Variants in ANKS1B observed in about 807,000 individuals in gnomAD.
ANKS1B encodes ankyrin repeat and sterile alpha motif domain-containing protein 1B.
Under a neutral mutation model 148.3 loss-of-function variants are expected in ANKS1B, and 36 were observed. The ratio of observed to expected loss-of-function variants is 0.24; its 90% CI spans 0.19 to 0.32. The LOEUF (loss-of-function observed/expected upper bound fraction) is 0.32. Ranked by LOEUF, ANKS1B falls within the 10% of genes least tolerant of loss-of-function variation. The pLI, the probability that ANKS1B is intolerant of heterozygous loss-of-function variation, is 1.00. For missense variants in ANKS1B, 1,157 were observed against 1,542.6 expected (o/e 0.75, Z 4.19); for synonymous variants, 542 against 560.8 (o/e 0.97, Z 0.47).
intron 17 of ANKS1B, among the ~76,000 whole-genome samples, chr12:98,901,940 T>G (rs1466141347): frequency 6.6e-6 from 1 of 152,180 alleles, no homozygotes; most frequent in Admixed American, 6.5e-5. Flanking sequence ...CCAATTTTAT[T>G]ATTCTTATTG....
At chr12:99,385,742 A>C (rs1426876419) in intron 12 of ANKS1B, among the ~76,000 whole-genome samples, 1 of 152,224 alleles carries the variant, frequency 6.6e-6, no homozygotes, top group Non-Finnish European at 1.5e-5. Context: ...AATGGCCAAG[A>C]ACATATCAAT....
chr12:99,256,043 T>C (rs565491527), intron 12 of ANKS1B, among the ~76,000 whole-genome samples: 1 of 152,142 alleles, frequency 6.6e-6, no homozygotes, highest in African/African-American at 2.4e-5. Flanking sequence ...CTATGAAATA[T>C]ATGTATATTA....
intron 14 of ANKS1B, among the ~76,000 whole-genome samples, chr12:99,192,352 T>C (rs2080847859): frequency 6.6e-6 from 1 of 152,164 alleles, no homozygotes; most frequent in Non-Finnish European, 1.5e-5. Context: ...AATAAATCAA[T>C]GAGACATATG....
intron 12 of ANKS1B, among the ~76,000 whole-genome samples, chr12:99,319,691 T>C (rs960703550): frequency 3.3e-5 from 5 of 152,246 alleles, no homozygotes; most frequent in Non-Finnish European, 5.9e-5. Context: ...AAGTTAATAT[T>C]GTTATGTGTG....
At position 98,994,444 on chromosome 12, in the gene ANKS1B, C is replaced by T. The variant is rs139351959; in HGVS notation, c.2778+58713G>A. ...CAGCCTGGCCCAACATGGTGAAACC[C>T]CGTCTCTACTAAAAATACAAAAATT... is the stretch of plus-strand genomic sequence containing the variant. On this transcript the variant is annotated intron_variant, in intron 17 of 26. Transcript: ENST00000683438. Among the ~76,000 whole-genome samples, 1,146 of 152,196 alleles carry T rather than the reference C, an allele frequency of 7.5e-3. 16 individuals are homozygous for T. Among genetic ancestry groups the T allele is most frequent in the African/African-American group, 0.025 (1,044 of 41,538 alleles).
intron 9 of ANKS1B, among the ~76,000 whole-genome samples, chr12:99,654,638 T>A (rs1355014773): frequency 6.6e-6 from 1 of 152,198 alleles, no homozygotes; most frequent in Non-Finnish European, 1.5e-5. Flanking sequence ...CCTCCAGAAG[T>A]ACACATTCCC....
chr12:99,607,368 A>G (rs1598002604), intron 9 of ANKS1B, among the ~76,000 whole-genome samples: 1 of 151,684 alleles, frequency 6.6e-6, no homozygotes, highest in East Asian at 1.9e-4. Context: ...AGTTAAATGT[A>G]GTTTTTCCTT....
chr12:99,127,322 TC>T (rs2064696810), intron 15 of ANKS1B, among the ~76,000 whole-genome samples: 1 of 151,946 alleles, frequency 6.6e-6, no homozygotes, highest in Non-Finnish European at 1.5e-5. Context: ...CAGGTACTTC[TC>T]TCATCTGCCC....
intron 17 of ANKS1B, among the ~76,000 whole-genome samples, chr12:98,944,988 T>C (rs1002075498): frequency 8.5e-5 from 13 of 152,240 alleles, no homozygotes; most frequent in Non-Finnish European, 1.9e-4. Context: ...ATCTTTCTAA[T>C]TTGATTAGAC....
chr12:99,306,915 T>G (rs2082426430), intron 12 of ANKS1B, among the ~76,000 whole-genome samples: 1 of 152,110 alleles, frequency 6.6e-6, no homozygotes, highest in Non-Finnish European at 1.5e-5. Flanking sequence ...TTATAGCCTC[T>G]GGAGATCATG....
intron 3 of ANKS1B, among the ~76,000 whole-genome samples, chr12:99,807,309 C>CT (rs762913019): frequency 6.6e-6 from 1 of 152,096 alleles, no homozygotes; most frequent in Non-Finnish European, 1.5e-5. Context: ...AGACAAGTTA[C>CT]TAGGAGTATC....
At chr12:99,653,837 T>A (rs2098437437) in intron 9 of ANKS1B, among the ~76,000 whole-genome samples, 1 of 152,062 alleles carries the variant, frequency 6.6e-6, no homozygotes, top group South Asian at 2.1e-4. Context: ...CTTATTTTTG[T>A]ATTTTTTGTA....
chr12:99,010,976 C>T (rs2099939072), intron 17 of ANKS1B, among the ~76,000 whole-genome samples: 2 of 148,914 alleles, frequency 1.3e-5, no homozygotes, highest in Admixed American at 1.3e-4. Flanking sequence ...GTCCTGGCCT[C>T]AAGTGATCCA....
intron 19 of ANKS1B, among the ~76,000 whole-genome samples, chr12:98,816,045 ATCT>A (rs2099137213): frequency 6.6e-5 from 10 of 151,848 alleles, no homozygotes; most frequent in Admixed American, 6.6e-4. Context: ...TCTCCTACCC[ATCT>A]TCGTCTTGCT....
chr12:99,620,920 T>C (rs1433033396), intron 9 of ANKS1B, among the ~76,000 whole-genome samples: 2 of 152,136 alleles, frequency 1.3e-5, no homozygotes, highest in Admixed American at 6.5e-5. Context: ...ACCTGCAAGA[T>C]ACTATACAAA....
chr12:99,876,856 A>T (rs2153733428), intron 1 of ANKS1B, among the ~76,000 whole-genome samples: 1 of 152,310 alleles, frequency 6.6e-6, no homozygotes, highest in Non-Finnish European at 1.5e-5. Context: ...TAGTTTTATC[A>T]AAGTAATACA....
intron 9 of ANKS1B, among the ~76,000 whole-genome samples, chr12:99,576,686 T>C (rs1170569953): frequency 6.6e-6 from 1 of 152,036 alleles, no homozygotes; most frequent in East Asian, 1.9e-4. Flanking sequence ...TTGAAACTAA[T>C]GAAAACAAAG....
At chr12:98,748,115 A>G (rs147739163) in intron 26 of ANKS1B, among the ~76,000 whole-genome samples, 2 of 152,374 alleles carry the variant, frequency 1.3e-5, no homozygotes, top group African/African-American at 4.8e-5. Context: ...TTCTCAATAC[A>G]AAAGAAAAAT....
intron 8 of ANKS1B, among the ~76,000 whole-genome samples, chr12:99,704,389 T>G (rs1476737073): frequency 6.6e-6 from 1 of 152,024 alleles, no homozygotes; most frequent in Non-Finnish European, 1.5e-5. Context: ...GAAATGAGTA[T>G]CCCTAGGGAG....
Sources: allele counts gnomAD v4.1 joint callset (sites outside exome capture counted in the v4.1 genomes callset), GRCh38; gene constraint gnomAD v4.1.1; transcripts MANE v1.5; gene names NCBI Gene and HGNC (gene_info 2026-07-23, HGNC 2026-07-21).